Variants in IGSF11 observed in about 807,000 individuals in gnomAD.
IGSF11 encodes the protein immunoglobulin superfamily member 11, also known as CXADR like 1.
IGSF11 carries 22 observed loss-of-function variants against 41.0 expected under a neutral mutation model. That is an observed-to-expected ratio of 0.54 (90% CI 0.38 to 0.77). The LOEUF (loss-of-function observed/expected upper bound fraction) is 0.77, where lower values mean the gene tolerates loss of function less well. Ranked by LOEUF, IGSF11 falls within the 30% of genes least tolerant of loss-of-function variation. The pLI, the probability that IGSF11 is intolerant of heterozygous loss-of-function variation, is 0.00. For synonymous variants in IGSF11, 219 were observed against 201.3 expected (o/e 1.09, Z -0.74); for missense variants, 444 against 530.8 (o/e 0.84, Z 1.61).
intron 1 of IGSF11, among the ~76,000 whole-genome samples, chr3:119,045,498 C>G (rs1048734821): frequency 6.6e-6 from 1 of 152,218 alleles, no homozygotes; most frequent in African/African-American, 2.4e-5. Context: ...GGTCCTACTC[C>G]ACGGAGTCTC....
At chr3:118,997,229 T>C (rs1043455222) in intron 1 of IGSF11, among the ~76,000 whole-genome samples, 1 of 152,220 alleles carries the variant, frequency 6.6e-6, no homozygotes, top group African/African-American at 2.4e-5. Flanking sequence ...ACATTTGGCA[T>C]CACTATTTCA....
At chr3:119,117,575 G>A (rs1272155118) in intron 1 of IGSF11, among the ~76,000 whole-genome samples, 1 of 152,148 alleles carries the variant, frequency 6.6e-6, no homozygotes, top group East Asian at 1.9e-4. Context: ...GATTTGGGTG[G>A]AGACACAGCC....
intron 1 of IGSF11, among the ~76,000 whole-genome samples, chr3:119,119,369 A>G (rs963604830): frequency 2.8e-4 from 42 of 152,208 alleles, no homozygotes; most frequent in African/African-American, 9.6e-4. Context: ...GCAGGGAAAC[A>G]CCTCTTTTTA....
At chr3:119,015,497 C>A (rs1415251673) in intron 1 of IGSF11, among the ~76,000 whole-genome samples, 4 of 152,100 alleles carry the variant, frequency 2.6e-5, no homozygotes, top group African/African-American at 7.2e-5. Context: ...TTAAGGACAC[C>A]TAAGTACCTA....
At position 119,034,146 on chromosome 3, in the gene IGSF11, T is replaced by C. The variant is rs948790631; in HGVS notation, c.52+385A>G. 3.3e-5 allele frequency among the ~76,000 whole-genome samples: 5 copies of C among 152,360 alleles called. 1 individual carries two copies. Among genetic ancestry groups the C allele is most frequent in the East Asian group, 1.9e-4 (1 of 5,190 alleles). ...CAAATGATTTTAAAAGCACTTCTAG[T>C]TTTCCTAGGGCCGCCTAGTAAAGAC... On this transcript the variant is annotated intron_variant, in intron 1 of 6. Transcript: ENST00000393775.
intron 1 of IGSF11, among the ~76,000 whole-genome samples, chr3:119,044,201 A>G (rs1301563241): frequency 1.3e-5 from 2 of 152,228 alleles, no homozygotes; most frequent in African/African-American, 4.8e-5. Context: ...AGAAATAGAC[A>G]TCATAAAGAA....
chr3:119,109,311 G>A (rs2077097639), upstream of IGSF11, among the ~76,000 whole-genome samples: 1 of 151,496 alleles, frequency 6.6e-6, no homozygotes, highest in South Asian at 2.1e-4. Flanking sequence ...TCCTGGTTTA[G>A]TCTTCGGAGA....
upstream of IGSF11, among the ~76,000 whole-genome samples, chr3:119,037,128 T>C (rs1316515730): frequency 6.6e-6 from 1 of 152,224 alleles, no homozygotes; most frequent in Admixed American, 6.5e-5. Flanking sequence ...CTTTGAGTAA[T>C]TTTTTATTAG....
At chr3:118,989,167 T>C (rs1935539982) in intron 1 of IGSF11, among the ~76,000 whole-genome samples, 1 of 152,144 alleles carries the variant, frequency 6.6e-6, no homozygotes, top group Non-Finnish European at 1.5e-5. Context: ...ACACAACCCT[T>C]GTCTAGTGAG....
intron 1 of IGSF11, among the ~76,000 whole-genome samples, chr3:119,044,202 T>C (rs1293642956): frequency 6.6e-6 from 1 of 151,932 alleles, no homozygotes; most frequent in Admixed American, 6.6e-5. Context: ...GAAATAGACA[T>C]CATAAAGAAA....
chr3:119,084,754 G>A (rs2076643013), intron 1 of IGSF11, among the ~76,000 whole-genome samples: 1 of 152,218 alleles, frequency 6.6e-6, no homozygotes, highest in African/African-American at 2.4e-5. Context: ...GTGCATTCTG[G>A]CAGTTTGTAA....
intron 1 of IGSF11, among the ~76,000 whole-genome samples, chr3:118,972,143 C>T (rs557497540): frequency 6.6e-6 from 1 of 152,328 alleles, no homozygotes; most frequent in Admixed American, 6.5e-5. Context: ...CTCACTACAT[C>T]TTGACCTGAA....
rs200947388 is a variant in IGSF11 at position 118,934,543 on chromosome 3, C to CTAA, written c.53-4271_53-4269dup. On this transcript the variant is annotated intron_variant, in intron 1 of 6. Coordinates refer to ENST00000393775, the MANE Select transcript of IGSF11 (RefSeq NM_001015887.3). The stretch of plus-strand genomic sequence containing the variant: ...CATGAATTCAATTCTCATATAAATG[C>CTAA]TAATGGCTTTCAAATTTATATCTCT... 9.2e-3 allele frequency among the ~76,000 whole-genome samples: 1,400 copies of CTAA among 152,300 alleles called. 12 individuals carry two copies. The highest frequency in any genetic ancestry group is 0.012 in the Non-Finnish European group (793 of 68,036).
chr3:119,113,669 C>T (rs539112162), intron 1 of IGSF11, among the ~76,000 whole-genome samples: 42 of 152,282 alleles, frequency 2.8e-4, no homozygotes, highest in African/African-American at 7.7e-4. Flanking sequence ...TGCAAGCTGT[C>T]GATGGATCTA....
At chr3:119,074,739 A>C (rs9840150) in intron 1 of IGSF11, among the ~76,000 whole-genome samples, 118,117 of 151,724 alleles carry the variant, frequency 0.78, 46,403 homozygotes, top group African/African-American at 0.9. Context: ...GTAGTCCCAG[A>C]TACTCAGGAG....
chr3:119,094,449 G>C (rs560133942), intron 1 of IGSF11, among the ~76,000 whole-genome samples: 39 of 151,924 alleles, frequency 2.6e-4, no homozygotes, highest in Non-Finnish European at 2.9e-5. Flanking sequence ...CAAGCAATTA[G>C]GCACCTTCTG....
intron 1 of IGSF11, among the ~76,000 whole-genome samples, chr3:119,134,511 T>C (rs988750513): frequency 6.6e-6 from 1 of 152,142 alleles, no homozygotes; most frequent in Admixed American, 6.5e-5. Flanking sequence ...TTACAAGGGA[T>C]GTGAAGGACC....
At chr3:119,140,857 A>T (rs970441229) in intron 1 of IGSF11, among the ~76,000 whole-genome samples, 25 of 132,298 alleles carry the variant, frequency 1.9e-4, no homozygotes, top group African/African-American at 6.2e-4. Context: ...CAGTCTGGCT[A>T]ACATGGCGAA....
chr3:118,903,680 C>T (rs1250952241), intron 6 of IGSF11, among the ~76,000 whole-genome samples: 2 of 152,108 alleles, frequency 1.3e-5, no homozygotes, highest in African/African-American at 4.8e-5. Context: ...AGATGCTAAC[C>T]AATTCATTTA....
Sources: gnomAD v4.1 joint callset for allele counts (sites outside exome capture counted in the v4.1 genomes callset) on GRCh38, gnomAD v4.1.1 for gene constraint, MANE v1.5 for transcripts, NCBI Gene and HGNC (gene_info 2026-07-23, HGNC 2026-07-21) for gene names.